NME7: variants seen among roughly 807,000 people sequenced by gnomAD.
NME7 encodes the protein NME/NM23 family member 7.
Under a neutral mutation model 49.1 loss-of-function variants are expected in NME7, and 41 were observed. That is an observed-to-expected ratio of 0.83 (90% CI 0.65 to 1.08). NME7 has a LOEUF of 1.08. Among genes scored for constraint, NME7 ranks in the 50% least tolerant of loss-of-function variants. NME7 has a pLI of 0.00. For synonymous variants in NME7, 139 were observed against 150.6 expected (o/e 0.92, Z 0.56); for missense variants, 423 against 463.4 (o/e 0.91, Z 0.80).
At chr1:169,140,656 C>T (rs1469113877) in intron 11 of NME7, among the ~76,000 whole-genome samples, 1 of 150,698 alleles carries the variant, frequency 6.6e-6, no homozygotes, top group East Asian at 1.9e-4. Flanking sequence ...GTGACCTTGA[C>T]ACTTCCTCTT....
At chr1:169,227,160 T>C (rs1367469304) in intron 10 of NME7, among the ~76,000 whole-genome samples, 2 of 152,166 alleles carry the variant, frequency 1.3e-5, no homozygotes, top group Non-Finnish European at 2.9e-5. Flanking sequence ...TTCGAGACTC[T>C]TCTTTCTATG....
chr1:169,278,937 G>T (rs1649873439), intron 7 of NME7, among the ~76,000 whole-genome samples: 1 of 152,194 alleles, frequency 6.6e-6, no homozygotes. Flanking sequence ...GTTGGAGTTT[G>T]CTAGAGGTCC....
At chr1:169,236,505 G>A (rs1222226038) in intron 8 of NME7, among the ~76,000 whole-genome samples, 2 of 152,042 alleles carry the variant, frequency 1.3e-5, no homozygotes, top group Non-Finnish European at 2.9e-5. Context: ...ATGCTAAACT[G>A]TAGATCTAGA....
chr1:169,198,773 T>G (rs1660462135), intron 10 of NME7, among the ~76,000 whole-genome samples: 1 of 152,120 alleles, frequency 6.6e-6, no homozygotes, highest in Non-Finnish European at 1.5e-5. Context: ...GATGAAAATA[T>G]TCTAAAATTG....
chr1:169,182,171 A>AT (rs1272614629), intron 10 of NME7, among the ~76,000 whole-genome samples: 3 of 108,418 alleles, frequency 2.8e-5, no homozygotes, highest in African/African-American at 7.7e-5. Flanking sequence ...CAACTAGCTA[A>AT]TTTAAAAAAA....
chr1:169,323,941 C>T lies in NME7; in HGVS notation c.111+452G>A, dbSNP rs112525548. ...TGATCTCAGCTCACTGCCACCTCCA[C>T]CTCCTGAGTTCAAGCTATTCTCCTG... On this transcript the variant is annotated intron_variant, in intron 2 of 11. Coordinates refer to ENST00000367811, the MANE Select transcript of NME7 (RefSeq NM_013330.5). 3.4e-3 allele frequency among the ~76,000 whole-genome samples: 516 copies of T among 150,668 alleles called. 4 individuals are homozygous for T. The highest frequency in any genetic ancestry group is 0.012 in the African/African-American group (492 of 40,942).
At chr1:169,353,075 A>G (rs1023543050) in intron 1 of NME7, among the ~76,000 whole-genome samples, 1 of 151,926 alleles carries the variant, frequency 6.6e-6, no homozygotes, top group African/African-American at 2.4e-5. Flanking sequence ...TAAAAGACTC[A>G]GAATAGCCAA....
At chr1:169,177,079 G>T (rs1659775938) in intron 10 of NME7, among the ~76,000 whole-genome samples, 1 of 152,030 alleles carries the variant, frequency 6.6e-6, no homozygotes, top group African/African-American at 2.4e-5. Flanking sequence ...CAAAAGAATC[G>T]TTCCACATTC....
chr1:169,283,566 T>G (rs139110526), intron 7 of NME7, among the ~76,000 whole-genome samples: 2,209 of 152,304 alleles, frequency 0.015, 56 homozygotes, highest in African/African-American at 0.05. Flanking sequence ...TTTGGTATGT[T>G]TTTGCAGTGG....
At position 169,236,721 on chromosome 1, in the gene NME7, C is replaced by T. The variant is rs192777039; in HGVS notation, c.819+902G>A. Among the ~76,000 whole-genome samples, 16 of 145,332 alleles carry T rather than the reference C, an allele frequency of 1.1e-4. No homozygotes were observed. In the East Asian group the frequency reaches 2.4e-3, roughly 22 times the overall value. Reference sequence around the variant, plus strand: ...CTCAATGACTTTGTAAACTATTTCCCTTTTTTTTTTTTCTTTTTTGGCTTA... The same window carrying T: ...CTCAATGACTTTGTAAACTATTTCCTTTTTTTTTTTTTCTTTTTTGGCTTA... On this transcript the variant is annotated intron_variant, in intron 8 of 11. Transcript: ENST00000367811.
chr1:169,213,517 C>T (rs1660890612), intron 10 of NME7, among the ~76,000 whole-genome samples: 1 of 152,082 alleles, frequency 6.6e-6, no homozygotes, highest in Non-Finnish European at 1.5e-5. Context: ...ATGCATTTCC[C>T]TGATCAATAA....
rs201532564 is a variant in NME7, at chr1:169,152,926, C to G, written c.1098+16521G>C. Among the ~76,000 whole-genome samples the G allele has an allele frequency of 3.9e-5, 6 of 152,242 alleles. No homozygotes were observed. The East Asian group carries it at 1.2e-3, about 29-fold the overall frequency. Reference sequence around the variant, plus strand: ...GTCATACATACCAAGAAACTCCCATCCAGCATTTACAGCAAACATCAGTAA... The same window carrying G: ...GTCATACATACCAAGAAACTCCCATGCAGCATTTACAGCAAACATCAGTAA... On this transcript the variant is annotated intron_variant, in intron 11 of 11. Coordinates refer to ENST00000367811, the MANE Select transcript of NME7 (RefSeq NM_013330.5).
At chr1:169,308,399 C>A (rs1258466869) in intron 4 of NME7, among the ~76,000 whole-genome samples, 1 of 152,018 alleles carries the variant, frequency 6.6e-6, no homozygotes, top group Non-Finnish European at 1.5e-5. Flanking sequence ...GATATCTGAC[C>A]AAAAACAAAC....
intron 7 of NME7, among the ~76,000 whole-genome samples, chr1:169,274,248 G>A (rs1354780823): frequency 7.5e-6 from 1 of 133,750 alleles, no homozygotes; most frequent in Non-Finnish European, 1.8e-5. Flanking sequence ...GTGTCTTTTG[G>A]CTGCATAAAT....
At chr1:169,162,795 C>T (rs906211128) in intron 11 of NME7, among the ~76,000 whole-genome samples, 5 of 152,098 alleles carry the variant, frequency 3.3e-5, no homozygotes, top group African/African-American at 1.2e-4. Context: ...GCCATGATCA[C>T]GACATTGCAA....
intron 7 of NME7, among the ~76,000 whole-genome samples, chr1:169,244,596 A>T (rs1648232296): frequency 6.9e-6 from 1 of 144,984 alleles, no homozygotes; most frequent in South Asian, 2.2e-4. Context: ...AGATTGCACC[A>T]CTGCACTCCA....
chr1:169,162,185 A>G (rs1203396493), intron 11 of NME7, among the ~76,000 whole-genome samples: 1 of 152,144 alleles, frequency 6.6e-6, no homozygotes, highest in Admixed American at 6.5e-5. Flanking sequence ...GGGGAGACTG[A>G]TTTGAGTAAT....
intron 7 of NME7, among the ~76,000 whole-genome samples, chr1:169,250,695 G>T (rs113067864): frequency 0.013 from 1,986 of 152,094 alleles, 43 homozygotes; most frequent in African/African-American, 0.043. Context: ...TCCTTTCAAA[G>T]AATTTTTAAA....
rs375383227 is a variant in NME7 at position 169,237,672 on chromosome 1, A to G, written c.770T>C (p.Ile257Thr). ...HAVSEGLLGK[I>T]LMAIRDAGFE... ...ACCTGCATCTCGGATAGCCATCAGGATCTTTCCCAACAGTCCTGAAAATGA... is the reference window on the plus strand; with the variant it reads ...ACCTGCATCTCGGATAGCCATCAGGGTCTTTCCCAACAGTCCTGAAAATGA... Residue 257 changes from isoleucine (I) to threonine (T), a missense_variant, in exon 8 of 12, where the codon ATC becomes ACC. Transcript: ENST00000367811. The G allele has an allele frequency of 1.1e-5, 18 of 1,610,978 alleles. No homozygotes were observed. The African/African-American group carries it at 1.3e-4, about 12-fold the overall frequency.
Sources: gnomAD v4.1 joint callset for allele counts (sites outside exome capture counted in the v4.1 genomes callset) on GRCh38, gnomAD v4.1.1 for gene constraint, MANE v1.5 for transcripts, NCBI Gene and HGNC (gene_info 2026-07-23, HGNC 2026-07-21) for gene names.